NREP: variants seen among roughly 807,000 people sequenced by gnomAD.
NREP encodes neuronal regeneration related protein, also known as neuronal regeneration-related protein.
NREP carries 5 observed loss-of-function variants against 8.6 expected under a neutral mutation model. The ratio of observed to expected loss-of-function variants is 0.58; its 90% CI spans 0.30 to 1.22. The LOEUF (loss-of-function observed/expected upper bound fraction) is 1.22, where lower values mean the gene tolerates loss of function less well. Among genes scored for constraint, NREP ranks in the 50% most tolerant of loss-of-function variants. NREP has a pLI of 0.07. For synonymous variants in NREP, 27 were observed against 28.0 expected (o/e 0.96, Z 0.11); for missense variants, 86 against 82.5 (o/e 1.04, Z -0.17).
intron 2 of NREP, among the ~76,000 whole-genome samples, chr5:111,899,147 T>C (rs1477672187): frequency 6.6e-6 from 1 of 151,946 alleles, no homozygotes; most frequent in East Asian, 1.9e-4. Flanking sequence ...CACACAAAAG[T>C]ATAAAACTAA....
At chr5:111,852,918 A>G (rs779775646) in intron 2 of NREP, among the ~76,000 whole-genome samples, 15 of 152,178 alleles carry the variant, frequency 9.9e-5, no homozygotes, top group Non-Finnish European at 2.2e-4. Flanking sequence ...TAAAGTAGAT[A>G]GAGTGAGAGA....
chr5:111,815,187 G>A (rs928131947), intron 2 of NREP, among the ~76,000 whole-genome samples: 3 of 152,060 alleles, frequency 2.0e-5, no homozygotes, highest in Non-Finnish European at 2.9e-5. Flanking sequence ...TTTCTGCCCT[G>A]GATCCACCAA....
chr5:111,917,973 C>G (rs1428191818), intron 2 of NREP, among the ~76,000 whole-genome samples: 1 of 152,064 alleles, frequency 6.6e-6, no homozygotes, highest in Non-Finnish European at 1.5e-5. Context: ...TCATCTCAGC[C>G]CCAAAACTCC....
intron 2 of NREP, among the ~76,000 whole-genome samples, chr5:111,782,014 G>A (rs1195890262): frequency 6.6e-6 from 1 of 152,102 alleles, no homozygotes; most frequent in East Asian, 1.9e-4. Context: ...ATAATGATAA[G>A]GATTTACAGA....
In NREP at chr5:111,940,018, G is replaced by A. The variant is rs183099492; in HGVS notation, c.135+35256C>T. The A allele has an allele frequency of 9.9e-5, 15 of 152,118 alleles. 1 individual carries two copies. Among genetic ancestry groups the A allele is most frequent in the Non-Finnish European group, 1.3e-4 (9 of 67,986 alleles). 9.4% of individuals were successfully genotyped at this position (152,118 alleles called of 1,614,324 possible). A position where few individuals can be genotyped will look rare whatever the true frequency, so the allele number is the denominator to read the frequency against. ...TCATTCAATGTTCAATTAACTTGGC[G>A]TTCATGGAAACTTTACAGATTTACA... On this transcript the variant is annotated intron_variant, in intron 2 of 3. Transcript: ENST00000395634.
chr5:111,884,137 G>C (rs1754171181), intron 2 of NREP, among the ~76,000 whole-genome samples: 1 of 151,752 alleles, frequency 6.6e-6, no homozygotes, highest in South Asian at 2.1e-4. Context: ...AATGATAAAG[G>C]GGATATCACC....
At position 111,832,284 on chromosome 5, in the gene NREP, G is replaced by A. The variant is rs147684569; in HGVS notation, c.136-96777C>T. Among the ~76,000 whole-genome samples the A allele has an allele frequency of 4.5e-3, 689 of 152,182 alleles. 5 individuals carry two copies. Among genetic ancestry groups the A allele is most frequent in the African/African-American group, 0.012 (484 of 41,512 alleles). ...TGTAATCCTAGCACTTTGGGAGGCCGAGGCAGGCAGATCACTAGAGCTCAT... is the reference window on the plus strand; with the variant it reads ...TGTAATCCTAGCACTTTGGGAGGCCAAGGCAGGCAGATCACTAGAGCTCAT... On this transcript the variant is annotated intron_variant, in intron 2 of 3. Coordinates refer to the NREP transcript ENST00000395634.
intron 2 of NREP, among the ~76,000 whole-genome samples, chr5:111,846,983 A>G (rs1753191957): frequency 6.6e-6 from 1 of 152,184 alleles, no homozygotes; most frequent in Admixed American, 6.5e-5. Flanking sequence ...TCAGTAAAAA[A>G]ATCTTAGGGG....
At chr5:111,752,446 A>C (rs1292759105) in intron 2 of NREP, among the ~76,000 whole-genome samples, 1 of 152,218 alleles carries the variant, frequency 6.6e-6, no homozygotes, top group African/African-American at 2.4e-5. Context: ...TCCACAATCA[A>C]GAGTCACTGA....
At chr5:111,880,864 AACAGCTCCGTTCT>A (rs1292376183) in intron 2 of NREP, among the ~76,000 whole-genome samples, 10 of 151,660 alleles carry the variant, frequency 6.6e-5, no homozygotes, top group Admixed American at 5.3e-4. Flanking sequence ...GCTGAATAGG[AACAGCTCCGTTCT>A]ACAGCTCCCA....
chr5:111,796,159 G>T (rs1161952771), intron 2 of NREP, among the ~76,000 whole-genome samples: 1 of 152,114 alleles, frequency 6.6e-6, no homozygotes, highest in East Asian at 1.9e-4. Context: ...GCATTACTTG[G>T]CTGGTGACTC....
chr5:111,761,683 G>A (rs149807052), upstream of NREP, among the ~76,000 whole-genome samples: 6 of 152,072 alleles, frequency 3.9e-5, no homozygotes, highest in Non-Finnish European at 5.9e-5. Context: ...CCTTCTCAAC[G>A]AAATCTTGAT....
intron 2 of NREP, among the ~76,000 whole-genome samples, chr5:111,819,015 C>G (rs1752455717): frequency 6.6e-6 from 1 of 152,176 alleles, no homozygotes. Flanking sequence ...CTCCAAGTTT[C>G]TCTTCAAAGA....
At chr5:111,957,393 A>G (rs1290624969) in intron 2 of NREP, among the ~76,000 whole-genome samples, 1 of 152,056 alleles carries the variant, frequency 6.6e-6, no homozygotes, top group Non-Finnish European at 1.5e-5. Context: ...TATTAAACAA[A>G]TTGAGCTAGT....
At chr5:111,926,390 C>T (rs770286795) in intron 2 of NREP, among the ~76,000 whole-genome samples, 1 of 152,088 alleles carries the variant, frequency 6.6e-6, no homozygotes, top group African/African-American at 2.4e-5. Flanking sequence ...CCAGATATGG[C>T]TGCTAAAAGA....
intron 2 of NREP, among the ~76,000 whole-genome samples, chr5:111,763,241 C>T (rs1402017157): frequency 6.6e-6 from 1 of 152,156 alleles, no homozygotes; most frequent in Non-Finnish European, 1.5e-5. Context: ...ATATCAGGAA[C>T]TCAGCCATTG....
chr5:111,934,231 G>A (rs1359554267), intron 2 of NREP, among the ~76,000 whole-genome samples: 3 of 151,958 alleles, frequency 2.0e-5, no homozygotes, highest in African/African-American at 4.8e-5. Flanking sequence ...GTTCCATTGC[G>A]GGCATACGTT....
intron 2 of NREP, among the ~76,000 whole-genome samples, chr5:111,869,031 T>G (rs1484575730): frequency 6.6e-6 from 1 of 152,190 alleles, no homozygotes; most frequent in Non-Finnish European, 1.5e-5. Flanking sequence ...GGTCTTATCA[T>G]AGAACACGCA....
intron 1 of NREP, among the ~76,000 whole-genome samples, chr5:111,756,454 AAC>A (rs1750717678): frequency 6.6e-6 from 1 of 152,156 alleles, no homozygotes; most frequent in Admixed American, 6.5e-5. Context: ...CTCTTTTGTT[AAC>A]ACAGTTATGA....
Sources: allele counts gnomAD v4.1 joint callset (sites outside exome capture counted in the v4.1 genomes callset), GRCh38; gene constraint gnomAD v4.1.1; transcripts MANE v1.5; gene names NCBI Gene and HGNC (gene_info 2026-07-23, HGNC 2026-07-21).